Variants in MYRIP observed in about 807,000 individuals in gnomAD.
MYRIP encodes the protein myosin VIIA and Rab interacting protein.
MYRIP carries 49 observed loss-of-function variants against 98.0 expected under a neutral mutation model. The observed-to-expected ratio is 0.50, with a 90% confidence interval of 0.40 to 0.63. The LOEUF is 0.63. Among genes scored for constraint, MYRIP ranks in the 30% least tolerant of loss-of-function variants. MYRIP has a pLI of 0.00. For synonymous variants in MYRIP, 404 were observed against 409.5 expected (o/e 0.99, Z 0.16); for missense variants, 1,004 against 1,058.2 (o/e 0.95, Z 0.71).
intron 2 of MYRIP, among the ~76,000 whole-genome samples, chr3:39,989,092 C>A (rs1430573416): frequency 1.3e-5 from 2 of 152,026 alleles, no homozygotes; most frequent in Non-Finnish European, 2.9e-5. Flanking sequence ...GGAGAAGAGG[C>A]ACTCTGGCCT....
chr3:40,227,346 A>G (rs1487928106), intron 11 of MYRIP, among the ~76,000 whole-genome samples: 1 of 152,174 alleles, frequency 6.6e-6, no homozygotes, highest in Non-Finnish European at 1.5e-5. Context: ...AGGGAAAACA[A>G]CAGAATGAAA....
In MYRIP at chr3:40,126,894, G is replaced by A. The variant is rs565539958; in HGVS notation, c.333-24154G>A. ...GCAGTCGGTTGGGTGAGCTGCCATC[G>A]GCAGGTGACAGACCCAGTTGGAAAG... On this transcript the variant is annotated intron_variant, in intron 3 of 16. Transcript: ENST00000302541. Among the ~76,000 whole-genome samples the A allele has an allele frequency of 6.6e-5, 10 of 152,298 alleles. No homozygotes were observed. In the East Asian group the frequency reaches 1.5e-3, roughly 24 times the overall value.
intron 3 of MYRIP, among the ~76,000 whole-genome samples, chr3:40,092,707 G>C (rs1302452502): frequency 6.6e-6 from 1 of 152,204 alleles, no homozygotes; most frequent in African/African-American, 2.4e-5. Flanking sequence ...TAGGAGATGA[G>C]ATGAGAGAAG....
At chr3:39,897,193 A>T (rs978870825) in intron 1 of MYRIP, among the ~76,000 whole-genome samples, 2 of 152,234 alleles carry the variant, frequency 1.3e-5, no homozygotes, top group Non-Finnish European at 2.9e-5. Flanking sequence ...TCAAAGAAAG[A>T]GGTTTCTGCA....
chr3:40,083,410 T>C (rs1484735016), intron 3 of MYRIP, among the ~76,000 whole-genome samples: 1 of 152,076 alleles, frequency 6.6e-6, no homozygotes, highest in African/African-American at 2.4e-5. Flanking sequence ...TAAGATTGCT[T>C]TCTTCCTTAT....
intron 8 of MYRIP, among the ~76,000 whole-genome samples, chr3:40,180,578 C>T (rs936667387): frequency 1.3e-5 from 2 of 152,240 alleles, no homozygotes; most frequent in African/African-American, 2.4e-5. Context: ...ACCTTATCGA[C>T]GCACAGTGTC....
At chr3:40,167,775 G>T (rs1249599989) in intron 7 of MYRIP, among the ~76,000 whole-genome samples, 1 of 152,140 alleles carries the variant, frequency 6.6e-6, no homozygotes, top group African/African-American at 2.4e-5. Context: ...TTATTTGCTA[G>T]AACTCACAGA....
At chr3:40,156,197 A>T (rs1950234161) in intron 4 of MYRIP, among the ~76,000 whole-genome samples, 2 of 151,858 alleles carry the variant, frequency 1.3e-5, no homozygotes, top group South Asian at 4.2e-4. Context: ...ATCCAGTTTC[A>T]GCTTTCTACA....
chr3:40,168,343 A>G (rs1167627740), intron 7 of MYRIP, among the ~76,000 whole-genome samples: 1 of 152,056 alleles, frequency 6.6e-6, no homozygotes, highest in Non-Finnish European at 1.5e-5. Flanking sequence ...CACCTAACCT[A>G]CTCTTAATAT....
chr3:39,827,471 C>A (rs1440904420), intron 1 of MYRIP, among the ~76,000 whole-genome samples: 1 of 152,144 alleles, frequency 6.6e-6, no homozygotes, highest in Admixed American at 6.5e-5. Flanking sequence ...GGAATTTAAT[C>A]TGTTTACATT....
intron 2 of MYRIP, among the ~76,000 whole-genome samples, chr3:39,976,141 A>G (rs1945743845): frequency 6.6e-6 from 1 of 152,196 alleles, no homozygotes; most frequent in Admixed American, 6.5e-5. Context: ...AACTTTTGCA[A>G]CCTACTCATC....
chr3:39,817,589 T>C (rs1468111133), intron 1 of MYRIP, among the ~76,000 whole-genome samples: 1 of 152,204 alleles, frequency 6.6e-6, no homozygotes, highest in Non-Finnish European at 1.5e-5. Flanking sequence ...TCAAATATAC[T>C]TTTGTATATA....
chr3:40,220,464 T>G (rs67509081), intron 11 of MYRIP, among the ~76,000 whole-genome samples: 12,777 of 152,238 alleles, frequency 0.084, 812 homozygotes, highest in African/African-American at 0.19. Context: ...TTTTTATGGT[T>G]TTAGGTCTAA....
chr3:40,147,095 AAT>A (rs919741558), intron 3 of MYRIP, among the ~76,000 whole-genome samples: 1 of 152,176 alleles, frequency 6.6e-6, no homozygotes, highest in Non-Finnish European at 1.5e-5. Flanking sequence ...AATCCTAAAT[AAT>A]ATGTTTATCT....
At chr3:40,198,696 T>C (rs1951467923) in intron 10 of MYRIP, among the ~76,000 whole-genome samples, 1 of 152,140 alleles carries the variant, frequency 6.6e-6, no homozygotes, top group Non-Finnish European at 1.5e-5. Flanking sequence ...CAATGTTTCA[T>C]TTTTGGTTAT....
intron 3 of MYRIP, among the ~76,000 whole-genome samples, chr3:40,091,841 T>C (rs1406531730): frequency 6.6e-6 from 1 of 152,168 alleles, no homozygotes; most frequent in African/African-American, 2.4e-5. Flanking sequence ...AAATGCTCTT[T>C]CTCAATTATC....
intron 2 of MYRIP, among the ~76,000 whole-genome samples, chr3:39,958,713 A>G (rs1278958598): frequency 6.6e-6 from 1 of 152,226 alleles, no homozygotes; most frequent in Non-Finnish European, 1.5e-5. Context: ...TCTGCACAGC[A>G]AAAGAAACTG....
intron 2 of MYRIP, among the ~76,000 whole-genome samples, chr3:39,978,057 T>C (rs985928263): frequency 6.6e-6 from 1 of 152,158 alleles, no homozygotes; most frequent in Admixed American, 6.5e-5. Context: ...ACACCTGATA[T>C]ACGAATTTAC....
intron 2 of MYRIP, among the ~76,000 whole-genome samples, chr3:39,976,706 T>C (rs1945761481): frequency 6.6e-6 from 1 of 152,194 alleles, no homozygotes; most frequent in Non-Finnish European, 1.5e-5. Flanking sequence ...CATGGAATAC[T>C]ATGCAGCCAT....
Sources: gnomAD v4.1 joint callset for allele counts (sites outside exome capture counted in the v4.1 genomes callset) on GRCh38, gnomAD v4.1.1 for gene constraint, MANE v1.5 for transcripts, NCBI Gene and HGNC (gene_info 2026-07-23, HGNC 2026-07-21) for gene names.